SMARCA2: variants seen among roughly 807,000 people sequenced by gnomAD.
The protein encoded by SMARCA2 is SWI/SNF-related matrix-associated actin-dependent regulator of chromatin subfamily A member 2.
SMARCA2 carries 61 observed loss-of-function variants against 199.8 expected under a neutral mutation model. That is an observed-to-expected ratio of 0.31 (90% CI 0.25 to 0.38). The LOEUF (loss-of-function observed/expected upper bound fraction) is 0.38, where lower values mean the gene tolerates loss of function less well. Ranked by LOEUF, SMARCA2 falls within the 10% of genes least tolerant of loss-of-function variation. The pLI, the probability that SMARCA2 is intolerant of heterozygous loss-of-function variation, is 1.00. For synonymous variants in SMARCA2, 935 were observed against 732.0 expected (o/e 1.28, Z -4.48); for missense variants, 1,344 against 2,012.2 (o/e 0.67, Z 6.35).
intron 21 of SMARCA2, among the ~76,000 whole-genome samples, chr9:2,098,227 G>A (rs192730883): frequency 7.2e-5 from 11 of 152,358 alleles, no homozygotes; most frequent in African/African-American, 2.6e-4. Flanking sequence ...ACTTGCTACT[G>A]CAAAATGGGC....
At chr9:2,015,623 G>A (rs568163839) in intron 1 of SMARCA2, among the ~76,000 whole-genome samples, 1 of 152,310 alleles carries the variant, frequency 6.6e-6, no homozygotes, top group African/African-American at 2.4e-5. Context: ...GGCCTCAGGT[G>A]GAATGCTCTA....
At chr9:2,035,048 A>G (rs930622530) in intron 3 of SMARCA2, among the ~76,000 whole-genome samples, 7 of 147,742 alleles carry the variant, frequency 4.7e-5, no homozygotes, top group Admixed American at 6.8e-5. Context: ...TTATTTATTT[A>G]TTTATATTTT....
intron 5 of SMARCA2, 63 bp downstream of exon 5, chr9:2,047,547 G>C (rs942381238): frequency 1.1e-4 from 137 of 1,238,180 alleles, no homozygotes; most frequent in African/African-American, 2.5e-4. Flanking sequence ...CCAAGCCGAG[G>C]GGGGTGAGGC....
chr9:2,189,541 A>G (rs1471022193), intron 32 of SMARCA2, among the ~76,000 whole-genome samples: 1 of 152,112 alleles, frequency 6.6e-6, no homozygotes, highest in Non-Finnish European at 1.5e-5. Context: ...CTGTTTAGAA[A>G]TGCCCATTAT....
intron 15 of SMARCA2, among the ~76,000 whole-genome samples, chr9:2,082,747 TA>T (rs1339633855): frequency 6.6e-6 from 1 of 152,258 alleles, no homozygotes; most frequent in Non-Finnish European, 1.5e-5. Context: ...AGGATTCTAT[TA>T]ATATTATTGT....
intron 29 of SMARCA2, among the ~76,000 whole-genome samples, chr9:2,178,822 C>A (rs959602702): frequency 6.6e-6 from 1 of 152,148 alleles, no homozygotes; most frequent in Middle Eastern, 3.2e-3. Flanking sequence ...AAGCTAGGTA[C>A]TGCCCAGGAC....
intron 19 of SMARCA2, among the ~76,000 whole-genome samples, chr9:2,091,649 G>A (rs553245363): frequency 6.6e-6 from 1 of 152,310 alleles, no homozygotes; most frequent in Non-Finnish European, 1.5e-5. Context: ...AATGGTCAGT[G>A]TATACATAGA....
chr9:2,065,614 A>G (rs1291737879), intron 9 of SMARCA2, among the ~76,000 whole-genome samples: 3 of 152,218 alleles, frequency 2.0e-5, no homozygotes, highest in Non-Finnish European at 4.4e-5. Flanking sequence ...TGCCGTTGGC[A>G]CAGTTTTCAG....
At chr9:2,187,896 T>C (rs1173119414) in intron 32 of SMARCA2, among the ~76,000 whole-genome samples, 2 of 152,082 alleles carry the variant, frequency 1.3e-5, no homozygotes, top group Non-Finnish European at 2.9e-5. Flanking sequence ...CTGATCAATA[T>C]ATTCATAATA....
In SMARCA2 at chr9:2,123,423, A is replaced by G. The variant is rs1373459818; in HGVS notation, c.3763-296A>G. Among the ~76,000 whole-genome samples, 1 of 152,202 alleles carries G rather than the reference A, an allele frequency of 6.6e-6. No individual in the cohort carries two copies. The stretch of plus-strand genomic sequence containing the variant: ...TCCCAATTTGAATTTTTCCACTATT[A>G]CTTTAAAGAGGGAGCTTTGCATACA... On this transcript the variant is annotated intron_variant, in intron 26 of 33. Coordinates refer to ENST00000349721, the MANE Select transcript of SMARCA2 (RefSeq NM_003070.5). This position sits in a 1 kb window ranked among gnomAD's most constrained non-coding sequence, Gnocchi z 4.1.
At position 2,087,061 on chromosome 9, in the gene SMARCA2, C is replaced by G. The variant is rs1293166519; in HGVS notation, c.2759C>G (p.Thr920Ser). ...TGGTTCAATGCTCCATTTGCCATGACTGGTGAAAGGGTACTGGTCTGAGTT... is the reference window on the plus strand; with the variant it reads ...TGGTTCAATGCTCCATTTGCCATGAGTGGTGAAAGGGTACTGGTCTGAGTT... Reference protein sequence around the residue: ...EQWFNAPFAMTGERVDLNEEE... With the variant: ...EQWFNAPFAMSGERVDLNEEE... The change falls in exon 18 of 34, where the codon ACT becomes AGT. Residue 920 changes from threonine to serine, a missense_variant. Coordinates refer to ENST00000349721, the MANE Select transcript of SMARCA2 (RefSeq NM_003070.5). The G allele has an allele frequency of 6.2e-7, 1 of 1,614,004 alleles. No homozygotes were observed. The highest frequency in any genetic ancestry group is 8.5e-7 in the Non-Finnish European group (1 of 1,179,974).
At chr9:2,156,733 T>C (rs1348697693) in intron 27 of SMARCA2, among the ~76,000 whole-genome samples, 2 of 152,220 alleles carry the variant, frequency 1.3e-5, no homozygotes, top group South Asian at 2.1e-4. Context: ...ACCTGGCCCA[T>C]TGTAGCCATT....
intron 27 of SMARCA2, among the ~76,000 whole-genome samples, chr9:2,138,124 A>G (rs1279019471): frequency 6.6e-6 from 1 of 152,192 alleles, no homozygotes; most frequent in African/African-American, 2.4e-5. Flanking sequence ...CATTGATTTT[A>G]TAACAGCTGT....
intron 17 of SMARCA2, 141 bp downstream of exon 17, chr9:2,084,337 T>A (rs1821701538): frequency 1.7e-6 from 1 of 594,692 alleles, no homozygotes; most frequent in Non-Finnish European, 3.0e-6. Context: ...CAGAGTTTGA[T>A]ATGTTTTGGT....
chr9:2,160,017 C>A lies in SMARCA2; in HGVS notation c.3982-1669C>A, dbSNP rs548796565. On this transcript the variant is annotated intron_variant, in intron 27 of 33. Coordinates refer to ENST00000349721, the MANE Select transcript of SMARCA2 (RefSeq NM_003070.5). ...CCGGTGTTCTCCGTATTTCTGTGTGCAACTGGGTGCTTGAGGAGAGCAATA... is the reference window on the plus strand; with the variant it reads ...CCGGTGTTCTCCGTATTTCTGTGTGAAACTGGGTGCTTGAGGAGAGCAATA... 1.4e-3 allele frequency: 2,104 copies of A among 1,457,040 alleles called. 4 individuals carry two copies. Among genetic ancestry groups the A allele is most frequent in the Non-Finnish European group, 1.8e-3 (1,959 of 1,073,416 alleles). 90.3% of individuals were successfully genotyped at this position (1,457,040 alleles called of 1,614,324 possible). A position where few individuals can be genotyped will look rare whatever the true frequency, so the allele number is the denominator to read the frequency against.
Position 2,083,431 on chromosome 9 carries a change from T to G in SMARCA2, c.2415+18T>G, listed in dbSNP as rs766511309. ...CTTACAAGGTTTGGAATGCTGTATT[T>G]ATATATAAATGTGGAAAAGCAAAAA... On this transcript the variant is annotated intron_variant, in intron 16 of 33. Coordinates refer to ENST00000349721, the MANE Select transcript of SMARCA2 (RefSeq NM_003070.5). 3 of 1,556,012 alleles carry G rather than the reference T, an allele frequency of 1.9e-6. No individual in the cohort carries two copies. Among genetic ancestry groups the G allele is most frequent in the Non-Finnish European group, 2.6e-6 (3 of 1,139,006 alleles).
chr9:2,072,574 A>G (rs1045369252), intron 10 of SMARCA2, among the ~76,000 whole-genome samples: 3 of 152,244 alleles, frequency 2.0e-5, no homozygotes, highest in Non-Finnish European at 4.4e-5. Context: ...ATGAGATGAC[A>G]TAAGTTATAA....
intron 10 of SMARCA2, among the ~76,000 whole-genome samples, chr9:2,070,811 C>G (rs1821056998): frequency 6.6e-6 from 1 of 152,104 alleles, no homozygotes; most frequent in African/African-American, 2.4e-5. Context: ...GATACAGAAG[C>G]ATAAAATATG....
Position 2,073,630 on chromosome 9 carries a change from A to T in SMARCA2, c.1935+7A>T, listed in dbSNP as rs765278931. 1 of 1,599,074 alleles carries T rather than the reference A, an allele frequency of 6.3e-7. No individual in the cohort carries two copies. Among genetic ancestry groups the T allele is most frequent in the Non-Finnish European group, 8.6e-7 (1 of 1,166,614 alleles). On this transcript the variant is annotated splice_region_variant and intron_variant, in intron 12 of 33. Coordinates refer to ENST00000349721, the MANE Select transcript of SMARCA2 (RefSeq NM_003070.5). ...TTCTGATTATGAGGAAGAGGTATGTATGTATCTCTGTTTGGGGTTTATTGG... is the reference window on the plus strand; with the variant it reads ...TTCTGATTATGAGGAAGAGGTATGTTTGTATCTCTGTTTGGGGTTTATTGG...
Sources: gnomAD v4.1 joint callset for allele counts (sites outside exome capture counted in the v4.1 genomes callset) on GRCh38, gnomAD v4.1.1 for gene constraint, Gnocchi (gnomAD v3.1) non-coding constraint, MANE v1.5 for transcripts, NCBI Gene and HGNC (gene_info 2026-07-23, HGNC 2026-07-21) for gene names.